The following PLA2G4E variants were observed in gnomAD, a reference collection of about 807,000 sequenced individuals.
PLA2G4E encodes the protein phospholipase A2 group IVE.
PLA2G4E carries 84 observed loss-of-function variants against 109.1 expected under a neutral mutation model. The observed-to-expected ratio is 0.77, with a 90% CI of 0.65 to 0.92. The LOEUF is 0.92. Ranked by LOEUF, PLA2G4E falls within the 40% of genes least tolerant of loss-of-function variation. PLA2G4E has a pLI of 0.00. For synonymous variants in PLA2G4E, 469 were observed against 436.1 expected, an observed-to-expected ratio of 1.08 and a Z score of -0.94; for missense variants, 1,057 against 1,076.6, an observed-to-expected ratio of 0.98 and a Z score of 0.25.
chr15:42,010,059 C>T (rs568078765), intron 2 of PLA2G4E: 1 of 476,926 alleles, frequency 2.1e-6, no homozygotes, highest in African/African-American at 2.0e-5. Flanking sequence ...TCTCATTGCT[C>T]TGCTGATAGG....
At chr15:42,049,947 C>T (rs188438628) in intron 1 of PLA2G4E, among the ~76,000 whole-genome samples, 96 of 152,294 alleles carry the variant, frequency 6.3e-4, no homozygotes, top group Non-Finnish European at 9.8e-4. Context: ...CTCAATTTAC[C>T]AGATGGGAAT....
chr15:42,047,992 G>A (rs1439301564), intron 1 of PLA2G4E, among the ~76,000 whole-genome samples: 1 of 152,210 alleles, frequency 6.6e-6, no homozygotes, highest in Non-Finnish European at 1.5e-5. Flanking sequence ...CCCGGGCATA[G>A]ATATGGTATA....
At chr15:42,007,897 G>T in intron 2 of PLA2G4E, 32 bp from the exon 3 acceptor site, 4 of 1,578,170 alleles carry the variant, frequency 2.5e-6, no homozygotes, top group South Asian at 1.2e-5. Flanking sequence ...AACCAATCCA[G>T]GTTCAGAGAG....
At chr15:42,044,607 G>A (rs571656753) in intron 1 of PLA2G4E, among the ~76,000 whole-genome samples, 1 of 145,622 alleles carries the variant, frequency 6.9e-6, no homozygotes, top group South Asian at 2.3e-4. Context: ...ACACAGGGTG[G>A]GGAACATCAC....
chr15:42,039,880 A>G (rs977179603), intron 1 of PLA2G4E, among the ~76,000 whole-genome samples: 3 of 152,240 alleles, frequency 2.0e-5, no homozygotes, highest in African/African-American at 7.2e-5. Context: ...CTATTTATTT[A>G]GTACAATAAC....
chr15:42,029,681 A>G (rs2724944), intron 1 of PLA2G4E, among the ~76,000 whole-genome samples: 132,427 of 152,272 alleles, frequency 0.87, 58,050 homozygotes, highest in African/African-American at 0.96. Flanking sequence ...TATAAACTAC[A>G]TGGACTTGGG....
At chr15:42,047,463 G>A (rs963784914) in intron 1 of PLA2G4E, among the ~76,000 whole-genome samples, 1 of 151,912 alleles carries the variant, frequency 6.6e-6, no homozygotes, top group Non-Finnish European at 1.5e-5. Context: ...CCATGAAAAC[G>A]ACATGAATTC....
At position 42,043,072 on chromosome 15, in the gene PLA2G4E, T is replaced by C. The variant is rs150243202; in HGVS notation, c.183+7449A>G. On this transcript the variant is annotated intron_variant, in intron 1 of 19. Transcript: ENST00000399518. Reference sequence around the variant, plus strand: ...TTCTTAGAATTATGCAAGGGGTTCCTGCCTGGAAGGTGCAGAGGAGACTCC... The same window carrying C: ...TTCTTAGAATTATGCAAGGGGTTCCCGCCTGGAAGGTGCAGAGGAGACTCC... Among the ~76,000 whole-genome samples the C allele has an allele frequency of 8.4e-3, 1,286 of 152,298 alleles. 16 individuals are homozygous for C. Among genetic ancestry groups the C allele is most frequent in the African/African-American group, 0.029 (1,190 of 41,550 alleles).
chr15:42,034,513 A>AT lies in PLA2G4E; in HGVS notation c.183+16007dup, dbSNP rs568835415. Among the ~76,000 whole-genome samples the AT allele has an allele frequency of 2.0e-5, 3 of 152,262 alleles. No homozygotes were observed. In the South Asian group the frequency reaches 6.2e-4, roughly 32 times the overall value. On this transcript the variant is annotated intron_variant, in intron 1 of 19. Coordinates refer to ENST00000399518, the Ensembl canonical transcript of PLA2G4E. ...AAGCACCGTTTTCCTTTAGGATCTT[A>AT]TGGAGCTGTCATCAGGGAATCATCC...
chr15:42,014,128 G>A (rs973161047), intron 1 of PLA2G4E, among the ~76,000 whole-genome samples: 2 of 151,940 alleles, frequency 1.3e-5, no homozygotes, highest in Admixed American at 1.3e-4. Flanking sequence ...CTTATGTCAG[G>A]TGATCCACCC....
chr15:41,989,592 A>G (rs1530837), intron 14 of PLA2G4E, 40 bp from the exon 15 acceptor site: 314,986 of 1,588,962 alleles, frequency 0.2, 34,545 homozygotes, highest in African/African-American at 0.37. Flanking sequence ...GTCTCAGGCC[A>G]GGGAGCCGTC....
At chr15:42,041,478 G>T (rs1889315981) in intron 1 of PLA2G4E, among the ~76,000 whole-genome samples, 1 of 152,146 alleles carries the variant, frequency 6.6e-6, no homozygotes, top group African/African-American at 2.4e-5. Flanking sequence ...CATAGGAGCA[G>T]ACGAGCCTCC....
chr15:42,042,786 C>T (rs1311378861), intron 1 of PLA2G4E, among the ~76,000 whole-genome samples: 11 of 152,182 alleles, frequency 7.2e-5, no homozygotes, highest in Admixed American at 7.2e-4. Context: ...GGTGAAACAT[C>T]CACTCATTGG....
chr15:42,026,223 A>G (rs891867456), intron 1 of PLA2G4E, among the ~76,000 whole-genome samples: 7 of 152,230 alleles, frequency 4.6e-5, no homozygotes, highest in Admixed American at 2.6e-4. Context: ...TACAAACAGT[A>G]TATTATGGGA....
rs1022678757 is a variant in PLA2G4E, at chr15:42,005,871, T to A, written c.525+119A>T. Reference sequence around the variant, plus strand: ...GCTGGGATTTAAACCAGCAGCACCATCTTTTCTCAACTTGACTGTGTACAC... The same window carrying A: ...GCTGGGATTTAAACCAGCAGCACCAACTTTTCTCAACTTGACTGTGTACAC... On this transcript the variant is annotated intron_variant, in intron 4 of 19. Coordinates refer to ENST00000399518, the Ensembl canonical transcript of PLA2G4E. 27 of 1,253,768 alleles carry A rather than the reference T, an allele frequency of 2.2e-5. No individual in the cohort carries two copies. The Admixed American group carries it at 6.7e-4, about 31-fold the overall frequency. The allele number at this position is 1,253,768 out of a possible 1,614,324, so 77.7% of individuals were successfully genotyped here.
At chr15:41,997,218 G>T in exon 11 of PLA2G4E, 1 of 1,551,334 alleles carries the variant, frequency 6.4e-7, no homozygotes, top group African/African-American at 1.4e-5. Flanking sequence ...CAGCTCTGCT[G>T]GGCACAGGCT....
At chr15:42,014,933 C>T (rs954609988) in intron 1 of PLA2G4E, among the ~76,000 whole-genome samples, 2 of 152,166 alleles carry the variant, frequency 1.3e-5, no homozygotes, top group African/African-American at 4.8e-5. Flanking sequence ...TCCCCCTTCC[C>T]TAGCACCTTG....
chr15:42,005,835 T>A (rs4924597), intron 4 of PLA2G4E, among the ~76,000 whole-genome samples, 155 bp downstream of exon 4: 38,217 of 152,172 alleles, frequency 0.25, 6,003 homozygotes, highest in East Asian at 0.49. Flanking sequence ...CATCACATAG[T>A]GAGTGACAGT....
chr15:41,983,936 C>A, exon 20 of PLA2G4E: 1 of 1,612,062 alleles, frequency 6.2e-7, no homozygotes, highest in African/African-American at 1.3e-5. Flanking sequence ...TAAATGTCCA[C>A]CTGGCCCTGC....
Sources: allele counts gnomAD v4.1 joint callset (sites outside exome capture counted in the v4.1 genomes callset), GRCh38; gene constraint gnomAD v4.1.1; transcripts MANE v1.5; gene names NCBI Gene and HGNC (gene_info 2026-07-23, HGNC 2026-07-21).